Variants in TNFRSF17 observed in about 807,000 individuals in gnomAD.
The protein encoded by TNFRSF17 is tumor necrosis factor receptor superfamily member 17.
In TNFRSF17, 13 loss-of-function variants were observed where a neutral mutation model predicts 9.9. The ratio of observed to expected loss-of-function variants is 1.31; its 90% CI spans 0.85 to 2.08. The LOEUF is 2.08. Among genes scored for constraint, TNFRSF17 ranks in the 30% most tolerant of loss-of-function variants. The probability of loss-of-function intolerance (pLI) is 0.00; values close to 1 mark genes in which losing one functional copy is unlikely to be tolerated. For synonymous variants in TNFRSF17, 99 were observed against 83.7 expected (o/e 1.18, Z -1.00); for missense variants, 305 against 225.8 (o/e 1.35, Z -2.25).
At position 11,966,177 on chromosome 16, in the gene TNFRSF17, G is replaced by C. The variant is rs764035207; in HGVS notation, c.131-18G>C. 1.2e-6 allele frequency: 2 copies of C among 1,601,172 alleles called. No homozygotes were observed. The highest frequency in any genetic ancestry group is 1.3e-5 in the African/African-American group (1 of 74,508). On this transcript the variant is annotated intron_variant, in intron 1 of 2. Coordinates refer to ENST00000053243, the MANE Select transcript of TNFRSF17 (RefSeq NM_001192.3). ...TATGTTATCAGCTCATTATCTGTCT[G>C]ATGTTCTTTTCATAAAGGTGTGACC... is the stretch of plus-strand genomic sequence containing the variant.
At chr16:11,966,671 A>T (rs947628477) in intron 2 of TNFRSF17, among the ~76,000 whole-genome samples, 4 of 152,182 alleles carry the variant, frequency 2.6e-5, no homozygotes, top group Admixed American at 6.6e-5. Context: ...AGAAACTCCT[A>T]GCCAGGTCTG....
chr16:11,965,306 T>G lies in TNFRSF17; in HGVS notation c.-19T>G. 6.2e-7 allele frequency: 1 copy of G among 1,614,022 alleles called. No individual in the cohort carries two copies. Among genetic ancestry groups the G allele is most frequent in the African/African-American group, 1.3e-5 (1 of 75,060 alleles). ...CCAGGCTGTTCTTTCTGTAGCTCCC[T>G]TGTTTTCTTTTTGTGATCATGTTGC... On this transcript the variant is annotated 5_prime_UTR_variant, in exon 1 of 3. Coordinates refer to ENST00000053243, the MANE Select transcript of TNFRSF17 (RefSeq NM_001192.3).
chr16:11,965,261 T>G lies in TNFRSF17; in HGVS notation c.-64T>G. The G allele has an allele frequency of 6.3e-7, 1 of 1,596,184 alleles. No individual in the cohort carries two copies. The highest frequency in any genetic ancestry group is 8.6e-7 in the Non-Finnish European group (1 of 1,168,650). ...TGCTGCATTTGCTCTGGAATTCTTG[T>G]AGAGATATTACTTGTCCTTCCAGGC... is the stretch of plus-strand genomic sequence containing the variant. On this transcript the variant is annotated 5_prime_UTR_variant, in exon 1 of 3. Coordinates refer to ENST00000053243, the MANE Select transcript of TNFRSF17 (RefSeq NM_001192.3).
Position 11,966,247 on chromosome 16 carries a change from A to G in TNFRSF17, c.183A>G (p.Gly61=). The change falls in exon 2 of 3, where the codon GGA becomes GGG. Residue 61 remains glycine, a synonymous_variant. Transcript: ENST00000053243. ...GTNAILWTCL[G]LSLIISLAVF... The stretch of plus-strand genomic sequence containing the variant: ...ATGCGATTCTCTGGACCTGTTTGGG[A>G]CTGAGCTTAATAATTTCTTTGGCAG... 6.2e-7 allele frequency: 1 copy of G among 1,614,040 alleles called. No individual in the cohort carries two copies. The highest frequency in any genetic ancestry group is 8.5e-7 in the Non-Finnish European group (1 of 1,179,916).
chr16:11,966,977 CATTTATTT>C (rs36230512), intron 2 of TNFRSF17: 72,312 of 161,246 alleles, frequency 0.45, 17,421 homozygotes, highest in East Asian at 0.72. Context: ...TTTCTGTATG[CATTTATTT>C]ATTTATTTAT....
rs772804388 is a variant in TNFRSF17, at chr16:11,966,248, C to G, written c.184C>G (p.Leu62Val). The change falls in exon 2 of 3, where the codon CTG (leucine) becomes GTG (valine). Residue 62 changes from leucine to valine, a missense_variant. Coordinates refer to ENST00000053243, the MANE Select transcript of TNFRSF17 (RefSeq NM_001192.3). ...TGCGATTCTCTGGACCTGTTTGGGACTGAGCTTAATAATTTCTTTGGCAGT... is the reference window on the plus strand; with the variant it reads ...TGCGATTCTCTGGACCTGTTTGGGAGTGAGCTTAATAATTTCTTTGGCAGT... ...TNAILWTCLG[L>V]SLIISLAVFV... is the part of the protein sequence containing the mutation. 2 of 1,614,072 alleles carry G rather than the reference C, an allele frequency of 1.2e-6. No individual in the cohort carries two copies. Among genetic ancestry groups the G allele is most frequent in the African/African-American group, 1.3e-5 (1 of 75,054 alleles).
chr16:11,967,775 G>C lies in TNFRSF17; in HGVS notation c.483G>C (p.Thr161=). 6.2e-7 allele frequency: 1 copy of C among 1,614,184 alleles called. No homozygotes were observed. Among genetic ancestry groups the C allele is most frequent in the Non-Finnish European group, 8.5e-7 (1 of 1,180,050 alleles). ...CAACCATTCTTGTCACCACGAAAAC[G>C]AATGACTATTGCAAGAGCCTGCCAG... is the stretch of plus-strand genomic sequence containing the variant. The part of the protein sequence containing the change: ...EGATILVTTK[T]NDYCKSLPAA... The change falls in exon 3 of 3, where the codon ACG becomes ACC. Residue 161 remains threonine, a synonymous_variant. Coordinates refer to ENST00000053243, the MANE Select transcript of TNFRSF17 (RefSeq NM_001192.3).
Position 11,967,632 on chromosome 16 carries a change from A to C in TNFRSF17, c.340A>C (p.Ile114Leu). 1 of 1,614,192 alleles carries C rather than the reference A, an allele frequency of 6.2e-7. No individual in the cohort carries two copies. The highest frequency in any genetic ancestry group is 8.5e-7 in the Non-Finnish European group (1 of 1,180,040). ...AAAGAGCAGGACTGGTGATGAAATT[A>C]TTCTTCCGAGAGGCCTCGAGTACAC... ...LEKSRTGDEI[I>L]LPRGLEYTVE... Residue 114 changes from isoleucine (I) to leucine (L), a missense_variant, in exon 3 of 3, where the codon ATT becomes CTT. Coordinates refer to ENST00000053243, the MANE Select transcript of TNFRSF17 (RefSeq NM_001192.3).
Position 11,968,032 on chromosome 16 carries a change from T to C in TNFRSF17, c.*185T>C, listed in dbSNP as rs1328252930. On this transcript the variant is annotated 3_prime_UTR_variant, in exon 3 of 3. Transcript: ENST00000053243. Reference sequence around the variant, plus strand: ...CTGTTGGGAGCTTAATGGTAGAAACTTCCTTGGTTTCATGATTAAACTCTT... The same window carrying C: ...CTGTTGGGAGCTTAATGGTAGAAACCTCCTTGGTTTCATGATTAAACTCTT... 6 of 646,018 alleles carry C rather than the reference T, an allele frequency of 9.3e-6. No homozygotes were observed. The highest frequency in any genetic ancestry group is 1.9e-5 in the African/African-American group (1 of 52,956). 40.0% of individuals were successfully genotyped at this position (646,018 alleles called of 1,614,324 possible).
chr16:11,965,445 T>C lies in TNFRSF17; in HGVS notation c.121T>C (p.Cys41Arg). 2.5e-6 allele frequency: 4 copies of C among 1,614,176 alleles called. No individual in the cohort carries two copies. The highest frequency in any genetic ancestry group is 3.4e-6 in the Non-Finnish European group (4 of 1,180,000). Residue 41 changes from cysteine (C) to arginine (R), a missense_variant, in exon 1 of 3, where the codon TGT (cysteine) becomes CGT (arginine). Physicochemically the swap from Cys to Arg is radical, Grantham distance 180. Coordinates refer to ENST00000053243, the MANE Select transcript of TNFRSF17 (RefSeq NM_001192.3). ...NTPPLTCQRY[C>R]NASVTNSVKG... ...TCCTCCTCTAACATGTCAGCGTTAT[T>C]GTAATGCAAGTAAGTAATATTGCTT...
intron 2 of TNFRSF17, 87 bp downstream of exon 2, chr16:11,966,428 A>C (rs1349816790): frequency 1.4e-6 from 2 of 1,385,792 alleles, no homozygotes; most frequent in African/African-American, 2.9e-5. Context: ...AGCGTTGACT[A>C]TTTCACTTCG....
At chr16:11,967,477 A>G in intron 2 of TNFRSF17, 93 bp from the exon 3 acceptor site, 1 of 1,312,282 alleles carries the variant, frequency 7.6e-7, no homozygotes. Flanking sequence ...AATCTCTCTC[A>G]CATTGCTTTG....
chr16:11,965,328 T>G lies in TNFRSF17; in HGVS notation c.4T>G (p.Leu2Val). ...CCCTTGTTTTCTTTTTGTGATCATGTTGCAGATGGCTGGGCAGTGCTCCCA... is the reference window on the plus strand; with the variant it reads ...CCCTTGTTTTCTTTTTGTGATCATGGTGCAGATGGCTGGGCAGTGCTCCCA... M[L>V]QMAGQCSQNE... The change falls in exon 1 of 3, where the codon TTG becomes GTG. Residue 2 changes from leucine (L) to valine (V), a missense_variant. Leu to Val is a conservative substitution (Grantham distance 32, BLOSUM62 1). Transcript: ENST00000053243. The G allele has an allele frequency of 1.2e-6, 2 of 1,614,220 alleles. No individual in the cohort carries two copies. The highest frequency in any genetic ancestry group is 2.2e-5 in the South Asian group (2 of 91,078).
rs551180053 is a variant in TNFRSF17 at position 11,966,063 on chromosome 16, A to G, written c.131-132A>G. 2.8e-5 allele frequency: 23 copies of G among 814,630 alleles called. No homozygotes were observed. The East Asian group carries it at 6.5e-4, about 23-fold the overall frequency. The allele number at this position is 814,630 out of a possible 1,614,324, so 50.5% of individuals were successfully genotyped here. On this transcript the variant is annotated intron_variant, in intron 1 of 2. Transcript: ENST00000053243. ...GAGGTGGAGGTTGCAGTGAGCCGAG[A>G]TCGCGCCACTGCACTCTAGCCTGGG...
Position 11,967,910 on chromosome 16 carries a change from A to G in TNFRSF17, c.*63A>G, listed in dbSNP as rs2055208844. On this transcript the variant is annotated 3_prime_UTR_variant, in exon 3 of 3. Transcript: ENST00000053243. Reference sequence around the variant, plus strand: ...CTTTTGTCAGAATAGATGATGTGTCAGATCTCTTTAGGATGACTGTATTTT... The same window carrying G: ...CTTTTGTCAGAATAGATGATGTGTCGGATCTCTTTAGGATGACTGTATTTT... The G allele has an allele frequency of 2.6e-6, 4 of 1,555,632 alleles. No homozygotes were observed. The East Asian group carries it at 9.0e-5, about 35-fold the overall frequency.
Position 11,965,384 on chromosome 16 carries a change from T to C in TNFRSF17, c.60T>C (p.Ala20=), listed in dbSNP as rs752221019. 1.5e-5 allele frequency: 25 copies of C among 1,614,210 alleles called. 1 individual carries two copies. The South Asian group carries it at 2.6e-4, about 17-fold the overall frequency. Residue 20 remains alanine (A), a synonymous_variant, in exon 1 of 3, where the codon GCT becomes GCC. Transcript: ENST00000053243. ...AATATTTTGACAGTTTGTTGCATGC[T>C]TGCATACCTTGTCAACTTCGATGTT... ...QNEYFDSLLH[A]CIPCQLRCSS... is the part of the protein sequence containing the mutation.
In TNFRSF17 at chr16:11,967,664, A is replaced by G. The variant is rs767840692; in HGVS notation, c.372A>G (p.Glu124=). ...ILPRGLEYTV[E]ECTCEDCIKS... The stretch of plus-strand genomic sequence containing the variant: ...CGAGAGGCCTCGAGTACACGGTGGA[A>G]GAATGCACCTGTGAAGACTGCATCA... Residue 124 remains glutamate, a synonymous_variant, in exon 3 of 3, where the codon GAA becomes GAG. Transcript: ENST00000053243. The G allele has an allele frequency of 6.2e-7, 1 of 1,614,192 alleles. No individual in the cohort carries two copies. Among genetic ancestry groups the G allele is most frequent in the East Asian group, 2.2e-5 (1 of 44,884 alleles).
intron 2 of TNFRSF17, 117 bp from the exon 3 acceptor site, chr16:11,967,453 C>G: frequency 8.9e-7 from 1 of 1,122,358 alleles, no homozygotes; most frequent in Non-Finnish European, 1.3e-6. Context: ...GACCCCACCT[C>G]TAAAAAATGA....
In TNFRSF17 at chr16:11,967,603, T is replaced by C. The variant is rs890198025; in HGVS notation, c.311T>C (p.Leu104Pro). 1 of 1,613,790 alleles carries C rather than the reference T, an allele frequency of 6.2e-7. No individual in the cohort carries two copies. The highest frequency in any genetic ancestry group is 8.5e-7 in the Non-Finnish European group (1 of 1,179,842). ...CTCCTGGGCATGGCTAACATTGACC[T>C]GGAAAAGAGCAGGACTGGTGATGAA... ...SGLLGMANIDLEKSRTGDEII... is the reference protein window; with the variant it reads ...SGLLGMANIDPEKSRTGDEII... The change falls in exon 3 of 3, where the codon CTG becomes CCG. Residue 104 changes from leucine (L) to proline (P), a missense_variant. Physicochemically the swap from Leu to Pro is moderately conservative, Grantham distance 98. Transcript: ENST00000053243.
Sources: gnomAD v4.1 joint callset for allele counts (sites outside exome capture counted in the v4.1 genomes callset) on GRCh38, gnomAD v4.1.1 for gene constraint, MANE v1.5 for transcripts, NCBI Gene and HGNC (gene_info 2026-07-23, HGNC 2026-07-21) for gene names.